Variants in RANBP2 observed in about 807,000 individuals in gnomAD.
RANBP2 encodes the protein RAN binding protein 2.
RANBP2 carries 57 observed loss-of-function variants against 303.6 expected under a neutral mutation model. The ratio of observed to expected loss-of-function variants is 0.19; its 90% CI spans 0.15 to 0.23. The LOEUF (loss-of-function observed/expected upper bound fraction) is 0.23. Among genes scored for constraint, RANBP2 ranks in the 10% least tolerant of loss-of-function variants. The pLI is 1.00. For missense variants in RANBP2, 3,138 were observed against 3,780.8 expected, an observed-to-expected ratio of 0.83 and a Z score of 4.46; for synonymous variants, 1,167 against 1,301.5, an observed-to-expected ratio of 0.90 and a Z score of 2.23.
chr2:108,827,702 G>C, the RANBP2 span, among the ~76,000 whole-genome samples: 53 of 151,970 alleles, frequency 3.5e-4, no homozygotes, highest in African/African-American at 1.1e-3. Context: ...TGTAGTCCCA[G>C]CTACTCGGGA....
the RANBP2 span, among the ~76,000 whole-genome samples, chr2:109,202,762 A>G: frequency 6.6e-6 from 1 of 152,018 alleles, no homozygotes; most frequent in African/African-American, 2.4e-5. Flanking sequence ...CCCTTCCCAT[A>G]CTATGGAGCT....
At chr2:109,110,442 AT>A in the RANBP2 span, among the ~76,000 whole-genome samples, 1 of 152,342 alleles carries the variant, frequency 6.6e-6, no homozygotes, top group East Asian at 1.9e-4. Flanking sequence ...TAGGCATGGC[AT>A]TTAGAAAGGG....
chr2:109,013,766 G>C, the RANBP2 span, among the ~76,000 whole-genome samples: 1 of 152,038 alleles, frequency 6.6e-6, no homozygotes, highest in Non-Finnish European at 1.5e-5. Flanking sequence ...TTTTAGTAGA[G>C]ACGGGATTTC....
intron 6 of RANBP2, among the ~76,000 whole-genome samples, chr2:108,738,408 C>T (rs1695801812): frequency 6.6e-6 from 1 of 151,910 alleles, no homozygotes; most frequent in African/African-American, 2.4e-5. Context: ...ATCCGTCTAC[C>T]TTGGCCTCCC....
At chr2:109,413,198 T>G in the RANBP2 span, among the ~76,000 whole-genome samples, 1 of 152,236 alleles carries the variant, frequency 6.6e-6, no homozygotes, top group African/African-American at 2.4e-5. Context: ...CACTGCAACC[T>G]CCGCCTCATG....
chr2:109,090,556 C>T, the RANBP2 span, among the ~76,000 whole-genome samples: 2 of 152,088 alleles, frequency 1.3e-5, no homozygotes, highest in Non-Finnish European at 2.9e-5. Context: ...GCTTCTGGAG[C>T]AAAATCACTG....
the RANBP2 span, among the ~76,000 whole-genome samples, chr2:109,464,080 C>T: frequency 1.3e-5 from 2 of 152,214 alleles, no homozygotes; most frequent in African/African-American, 4.8e-5. Context: ...CCAGCCCCCA[C>T]ACTGCCAGCA....
At chr2:109,508,347 A>C in the RANBP2 span, among the ~76,000 whole-genome samples, 1 of 152,086 alleles carries the variant, frequency 6.6e-6, no homozygotes, top group Non-Finnish European at 1.5e-5. Context: ...GAGAAGATAC[A>C]CGTAGAGCTA....
At chr2:109,339,033 A>G in the RANBP2 span, among the ~76,000 whole-genome samples, 1 of 152,166 alleles carries the variant, frequency 6.6e-6, no homozygotes, top group African/African-American at 2.4e-5. Flanking sequence ...GGAAGAGAAA[A>G]TGTATTTACT....
chr2:109,320,859 A>T, the RANBP2 span, among the ~76,000 whole-genome samples: 2 of 152,238 alleles, frequency 1.3e-5, no homozygotes, highest in African/African-American at 4.8e-5. Context: ...CACCAGACCA[A>T]GATTCAAATC....
At chr2:109,547,869 G>A in the RANBP2 span, among the ~76,000 whole-genome samples, 2 of 152,176 alleles carry the variant, frequency 1.3e-5, no homozygotes, top group African/African-American at 4.8e-5. Flanking sequence ...TGCTCCAGCT[G>A]CCACCCTGGG....
At chr2:109,225,310 C>T in the RANBP2 span, among the ~76,000 whole-genome samples, 1 of 152,224 alleles carries the variant, frequency 6.6e-6, no homozygotes, top group Non-Finnish European at 1.5e-5. Flanking sequence ...CCATTGTACT[C>T]AGCTGGGTGG....
chr2:108,942,664 G>A, the RANBP2 span, among the ~76,000 whole-genome samples: 1 of 152,354 alleles, frequency 6.6e-6, no homozygotes, highest in African/African-American at 2.4e-5. Context: ...CTTTCAAGAC[G>A]GCGGGAGCCC....
chr2:108,972,069 C>A, the RANBP2 span, among the ~76,000 whole-genome samples: 1 of 152,216 alleles, frequency 6.6e-6, no homozygotes, highest in Non-Finnish European at 1.5e-5. Context: ...TGCAGCCCAG[C>A]CGACTGCAGC....
chr2:109,232,248 C>G, the RANBP2 span, among the ~76,000 whole-genome samples: 6 of 152,234 alleles, frequency 3.9e-5, no homozygotes, highest in African/African-American at 1.4e-4. Context: ...AGGAGAATTA[C>G]AGTTCCCCAT....
At chr2:109,282,389 C>A in the RANBP2 span, among the ~76,000 whole-genome samples, 1 of 152,082 alleles carries the variant, frequency 6.6e-6, no homozygotes. Context: ...GCTGAGATAC[C>A]AAAACATGGG....
At chr2:108,971,533 T>A in the RANBP2 span, among the ~76,000 whole-genome samples, 1 of 151,756 alleles carries the variant, frequency 6.6e-6, no homozygotes, top group African/African-American at 2.4e-5. Flanking sequence ...CCAGGCATTC[T>A]AGCAGAGAGC....
the RANBP2 span, among the ~76,000 whole-genome samples, chr2:109,345,776 T>C: frequency 6.6e-6 from 1 of 152,236 alleles, no homozygotes; most frequent in Non-Finnish European, 1.5e-5. Flanking sequence ...TTTGTAAATT[T>C]AACCAAACAG....
At chr2:109,151,135 C>T in the RANBP2 span, among the ~76,000 whole-genome samples, 7 of 152,172 alleles carry the variant, frequency 4.6e-5, no homozygotes, top group East Asian at 1.3e-3. Flanking sequence ...TCCTTGGGTT[C>T]TTGCTTATAT....
Sources: gnomAD v4.1 joint callset for allele counts (sites outside exome capture counted in the v4.1 genomes callset) on GRCh38, gnomAD v4.1.1 for gene constraint, MANE v1.5 for transcripts, NCBI Gene and HGNC (gene_info 2026-07-23, HGNC 2026-07-21) for gene names.